Variants in RANBP17 observed in about 807,000 individuals in gnomAD.
RANBP17 encodes RAN binding protein 17.
In RANBP17, 158 loss-of-function variants were observed where a neutral mutation model predicts 141.2. The ratio of observed to expected loss-of-function variants is 1.12; its 90% CI spans 0.98 to 1.28. RANBP17 has a LOEUF of 1.28. Ranked by LOEUF, RANBP17 falls within the 50% of genes most tolerant of loss-of-function variation. The probability of loss-of-function intolerance (pLI) is 0.00; values close to 1 mark genes in which losing one functional copy is unlikely to be tolerated. For synonymous variants in RANBP17, 430 were observed against 450.0 expected (o/e 0.96, Z 0.56); for missense variants, 1,438 against 1,290.7 (o/e 1.11, Z -1.75).
chr5:171,168,350 T>G (rs1759847444), intron 14 of RANBP17, among the ~76,000 whole-genome samples: 4 of 152,158 alleles, frequency 2.6e-5, no homozygotes. Flanking sequence ...AATCTGAAAT[T>G]GCATGAGATG....
At chr5:171,187,716 A>C (rs1367515150) in intron 18 of RANBP17, among the ~76,000 whole-genome samples, 1 of 152,182 alleles carries the variant, frequency 6.6e-6, no homozygotes, top group Non-Finnish European at 1.5e-5. Flanking sequence ...GTTAGTGAGA[A>C]GTATTTACAG....
Position 170,878,158 on chromosome 5 carries a change from G to T in RANBP17, c.80G>T (p.Arg27Ile), listed in dbSNP as rs200328963. The change falls in exon 2 of 28, where the codon AGA becomes ATA. Residue 27 changes from arginine to isoleucine, a missense_variant. Physicochemically the swap from Arg to Ile is moderately conservative, Grantham distance 97. Transcript: ENST00000523189. Reference protein sequence around the residue: ...HLYIGTDLTQRIEAEKALLEL... With the variant: ...HLYIGTDLTQIIEAEKALLEL... ...TACATAGGGACTGATCTTACACAAA[G>T]AATAGAGGCTGAGAAAGCACTCTTG... The T allele has an allele frequency of 1.2e-6, 2 of 1,612,752 alleles. No homozygotes were observed.
chr5:171,237,986 A>G (rs893334946), intron 22 of RANBP17, among the ~76,000 whole-genome samples: 2 of 152,188 alleles, frequency 1.3e-5, no homozygotes, highest in African/African-American at 4.8e-5. Flanking sequence ...TGAATAATAC[A>G]TATTGAATAA....
chr5:170,876,535 A>T (rs777374007), intron 1 of RANBP17, among the ~76,000 whole-genome samples: 2 of 152,038 alleles, frequency 1.3e-5, no homozygotes, highest in Non-Finnish European at 2.9e-5. Context: ...TTTAAAATGT[A>T]GTTCATTTGA....
At chr5:171,088,657 C>G (rs1351551245) in intron 14 of RANBP17, among the ~76,000 whole-genome samples, 1 of 149,580 alleles carries the variant, frequency 6.7e-6, no homozygotes, top group Non-Finnish European at 1.5e-5. Flanking sequence ...AGGCTTTGCT[C>G]CTTTCTTTTT....
At chr5:171,109,582 T>C (rs1755077026) in intron 14 of RANBP17, among the ~76,000 whole-genome samples, 2 of 152,338 alleles carry the variant, frequency 1.3e-5, no homozygotes, top group Non-Finnish European at 2.9e-5. Flanking sequence ...AGTATTTACA[T>C]TTAACTAGTG....
At chr5:171,028,625 A>G (rs1399765510) in intron 14 of RANBP17, among the ~76,000 whole-genome samples, 2 of 152,208 alleles carry the variant, frequency 1.3e-5, no homozygotes, top group African/African-American at 4.8e-5. Context: ...ATTGATTTGT[A>G]AGATGTCATG....
At chr5:171,084,249 A>G (rs1294795791) in intron 14 of RANBP17, among the ~76,000 whole-genome samples, 1 of 149,944 alleles carries the variant, frequency 6.7e-6, no homozygotes, top group Non-Finnish European at 1.5e-5. Context: ...ACTGAGAATG[A>G]TGATTTCCAA....
chr5:171,038,947 T>C (rs1020872192), intron 14 of RANBP17, among the ~76,000 whole-genome samples: 1 of 152,178 alleles, frequency 6.6e-6, no homozygotes, highest in African/African-American at 2.4e-5. Flanking sequence ...TTTGCCAGGA[T>C]GTACCACATT....
intron 12 of RANBP17, among the ~76,000 whole-genome samples, chr5:170,926,861 A>G (rs748063055): frequency 3.3e-5 from 5 of 152,194 alleles, no homozygotes; most frequent in Non-Finnish European, 7.4e-5. Flanking sequence ...CCTTATTTGC[A>G]TAGAATACAG....
intron 3 of RANBP17, among the ~76,000 whole-genome samples, chr5:170,882,726 T>C (rs1400114527): frequency 6.6e-6 from 1 of 152,232 alleles, no homozygotes; most frequent in African/African-American, 2.4e-5. Flanking sequence ...AGCAGGTTCT[T>C]ATTAGGAAGA....
At chr5:171,013,412 T>C (rs558601062) in intron 14 of RANBP17, among the ~76,000 whole-genome samples, 1 of 152,218 alleles carries the variant, frequency 6.6e-6, no homozygotes, top group African/African-American at 2.4e-5. Flanking sequence ...AGAAATGTTG[T>C]CTGTACCACT....
intron 14 of RANBP17, among the ~76,000 whole-genome samples, chr5:170,995,081 C>T (rs1207784384): frequency 6.6e-6 from 1 of 151,982 alleles, no homozygotes; most frequent in East Asian, 1.9e-4. Flanking sequence ...TCAAATATTC[C>T]TAGTTAAATC....
chr5:171,249,058 G>A (rs1377973063), intron 24 of RANBP17, among the ~76,000 whole-genome samples: 2 of 152,152 alleles, frequency 1.3e-5, no homozygotes, highest in African/African-American at 2.4e-5. Flanking sequence ...CCACCACTGG[G>A]CCTGAAGACT....
chr5:170,911,785 A>G (rs949154971), intron 7 of RANBP17, among the ~76,000 whole-genome samples: 1 of 151,922 alleles, frequency 6.6e-6, no homozygotes, highest in Non-Finnish European at 1.5e-5. Flanking sequence ...GAGAGTTGCA[A>G]CTTGCTTATA....
At chr5:171,065,460 T>A (rs1784253089) in intron 14 of RANBP17, among the ~76,000 whole-genome samples, 5 of 152,126 alleles carry the variant, frequency 3.3e-5, no homozygotes, top group African/African-American at 1.2e-4. Context: ...GCTGCTGACC[T>A]GAGAGGAGAC....
chr5:171,135,819 T>C (rs533192317), intron 14 of RANBP17, among the ~76,000 whole-genome samples: 11 of 152,346 alleles, frequency 7.2e-5, no homozygotes, highest in South Asian at 6.2e-4. Flanking sequence ...GCTGAGGCAA[T>C]TGCTTCTGGG....
intron 12 of RANBP17, among the ~76,000 whole-genome samples, chr5:170,939,331 A>G (rs1011925762): frequency 6.6e-6 from 1 of 151,956 alleles, no homozygotes; most frequent in Non-Finnish European, 1.5e-5. Context: ...AAAGGAGTAC[A>G]TGGAAATTGG....
chr5:171,295,744 A>T, intron 26 of RANBP17, 143 bp from the exon 27 acceptor site: 1 of 769,504 alleles, frequency 1.3e-6, no homozygotes, highest in Non-Finnish European at 2.1e-6. Context: ...CTAAGGGCTT[A>T]AAGTTCAAAG....
Sources: allele counts gnomAD v4.1 joint callset (sites outside exome capture counted in the v4.1 genomes callset), GRCh38; gene constraint gnomAD v4.1.1; transcripts MANE v1.5; gene names NCBI Gene and HGNC (gene_info 2026-07-23, HGNC 2026-07-21).